Variants in MBTPS2 observed in about 807,000 individuals in gnomAD.
MBTPS2 encodes the protein membrane bound transcription factor peptidase, site 2, also known as membrane-bound transcription factor site-2 protease.
Under a neutral mutation model 35.4 loss-of-function variants are expected in MBTPS2, and 2 were observed. That is an observed-to-expected ratio of 0.06 (90% CI 0.02 to 0.18). The LOEUF is 0.18. MBTPS2 is among the 10% of genes least tolerant of loss of function. The probability of loss-of-function intolerance (pLI) is 1.00; values close to 1 mark genes in which losing one functional copy is unlikely to be tolerated. For missense variants in MBTPS2, 244 were observed against 386.5 expected, an observed-to-expected ratio of 0.63 and a Z score of 3.09; for synonymous variants, 125 against 140.4, an observed-to-expected ratio of 0.89 and a Z score of 0.77.
chrX:21,871,220 TAAAGTA>T (rs974477812), intron 7 of MBTPS2: 5 of 113,061 alleles, frequency 4.4e-5, no homozygotes, highest in African/African-American at 1.6e-4. Context: ...CTAATCTGTT[TAAAGTA>T]AATCAGTAAA....
At chrX:21,863,776 GC>G (rs1277445469) in intron 5 of MBTPS2, among the ~76,000 whole-genome samples, 5 of 111,546 alleles carry the variant, frequency 4.5e-5, no homozygotes, top group Non-Finnish European at 7.5e-5. Flanking sequence ...ACATCACCTA[GC>G]CCATTAACTT....
intron 5 of MBTPS2, among the ~76,000 whole-genome samples, chrX:21,864,489 C>T (rs2092937130): frequency 8.9e-6 from 1 of 111,765 alleles, no homozygotes; most frequent in Non-Finnish European, 1.9e-5. Flanking sequence ...CCGCCTCAGC[C>T]TCCCAATAAA....
intron 2 of MBTPS2, among the ~76,000 whole-genome samples, chrX:21,844,109 C>CAAATAAAT (rs57351369): frequency 9.2e-4 from 89 of 96,466 alleles, no homozygotes; most frequent in Middle Eastern, 5.1e-3. Context: ...GACCCTATCT[C>CAAATAAAT]AAATAAATAA....
At chrX:21,855,598 AT>A (rs1488269019) in intron 5 of MBTPS2, among the ~76,000 whole-genome samples, 2 of 109,950 alleles carry the variant, frequency 1.8e-5, no homozygotes, top group Non-Finnish European at 3.8e-5. Flanking sequence ...CGCCCAGCTA[AT>A]TTTTGTATTT....
rs775363369 is a variant in MBTPS2, at chrX:21,853,260, TTC to T, written c.543-114_543-113del. 1,371 of 527,242 alleles carry T rather than the reference TTC, an allele frequency of 2.6e-3. 21 individuals are homozygous for T. In the South Asian group the frequency reaches 0.044, roughly 17 times the overall value. The allele number at this position is 527,242 out of a possible 1,213,427, so 43.5% of individuals were successfully genotyped here. On this transcript the variant is annotated intron_variant, in intron 4 of 10. Coordinates refer to ENST00000379484, the MANE Select transcript of MBTPS2 (RefSeq NM_015884.4). Reference sequence around the variant, plus strand: ...ATTTTTTTGGCTGTTCAGAGAGACTTTCTGTTTTTTAAGCAAGAATTCAAATT... The same window carrying T: ...ATTTTTTTGGCTGTTCAGAGAGACTTTGTTTTTTAAGCAAGAATTCAAATT...
chrX:21,841,774 C>T (rs2092902922), intron 1 of MBTPS2: 1 of 112,321 alleles, frequency 8.9e-6, no homozygotes, highest in Non-Finnish European at 1.9e-5. Flanking sequence ...TAAGAATGCA[C>T]CAACCTCTGA....
intron 5 of MBTPS2, among the ~76,000 whole-genome samples, chrX:21,859,920 C>T (rs1252776136): frequency 4.5e-5 from 5 of 110,076 alleles, no homozygotes; most frequent in African/African-American, 6.6e-5. Context: ...TGGCATAACT[C>T]GGTCTCTACC....
chrX:21,862,892 A>G (rs1295416015), intron 5 of MBTPS2, among the ~76,000 whole-genome samples: 2 of 76,958 alleles, frequency 2.6e-5, no homozygotes, highest in Non-Finnish European at 4.9e-5. Context: ...ATATACACAT[A>G]TATATAAACA....
chrX:21,863,862 G>C (rs2092936355), intron 5 of MBTPS2, among the ~76,000 whole-genome samples: 1 of 111,801 alleles, frequency 8.9e-6, no homozygotes, highest in Non-Finnish European at 1.9e-5. Context: ...CCAGGCAAGG[G>C]GGCAAGGTTA....
At position 21,839,701 on chromosome X, in the gene MBTPS2, G is replaced by C. The variant is rs1435092706; in HGVS notation, c.-34G>C. 8.6e-7 allele frequency: 1 copy of C among 1,161,980 alleles called. No individual in the cohort carries two copies. On this transcript the variant is annotated 5_prime_UTR_variant, in exon 1 of 11. Coordinates refer to ENST00000379484, the MANE Select transcript of MBTPS2 (RefSeq NM_015884.4). ...GGCGGTGCAGGGAGGAGGACGCCGG[G>C]GCTCGCCTTCCCTCCTCTGCCGCCG... is the stretch of plus-strand genomic sequence containing the variant.
At chrX:21,857,832 TA>T in intron 5 of MBTPS2, 1 of 336,857 alleles carries the variant, frequency 3.0e-6, no homozygotes, top group Non-Finnish European at 5.1e-6. Context: ...GCTTGTTCTG[TA>T]ACTATTTTTG....
intron 5 of MBTPS2, chrX:21,856,782 G>A (rs939212904): frequency 9.9e-6 from 12 of 1,210,013 alleles, no homozygotes; most frequent in African/African-American, 1.7e-5. Context: ...GCTAGGCAAC[G>A]ACTTGGAGGA....
chrX:21,864,875 TC>T (rs1455373331), intron 5 of MBTPS2, among the ~76,000 whole-genome samples: 1 of 98,988 alleles, frequency 1.0e-5, no homozygotes, highest in Non-Finnish European at 2.1e-5. Context: ...TTTCTTTCTT[TC>T]TTTCTTTTTT....
At chrX:21,873,221 G>T (rs1344060605) in intron 7 of MBTPS2, 1 of 111,828 alleles carries the variant, frequency 8.9e-6, no homozygotes, top group African/African-American at 3.2e-5. Context: ...ACTCCAAGAA[G>T]AACACTGAGT....
At chrX:21,844,575 TAGTA>T (rs2092906506) in intron 2 of MBTPS2, among the ~76,000 whole-genome samples, 3 of 112,412 alleles carry the variant, frequency 2.7e-5, no homozygotes, top group Non-Finnish European at 5.6e-5. Flanking sequence ...ATTAAAAACA[TAGTA>T]AGACTATTAA....
At chrX:21,850,404 G>GT (rs1291813441) in intron 3 of MBTPS2, among the ~76,000 whole-genome samples, 6 of 111,361 alleles carry the variant, frequency 5.4e-5, no homozygotes, top group African/African-American at 2.0e-4. Context: ...TTTTATATGT[G>GT]TATGTATGTT....
At chrX:21,840,315 C>T (rs1240506577) in intron 1 of MBTPS2, among the ~76,000 whole-genome samples, 2 of 112,400 alleles carry the variant, frequency 1.8e-5, no homozygotes, top group African/African-American at 3.2e-5. Context: ...AGCAGGTCTG[C>T]GGCAAGGCCT....
At chrX:21,868,662 A>G in intron 6 of MBTPS2, 77 bp downstream of exon 6, 1 of 695,102 alleles carries the variant, frequency 1.4e-6, no homozygotes, top group Non-Finnish European at 2.4e-6. Context: ...AGAAACTTTT[A>G]TTCAAGATCT....
chrX:21,846,740 CCT>C (rs2092909144), intron 3 of MBTPS2, among the ~76,000 whole-genome samples: 1 of 111,713 alleles, frequency 9.0e-6, no homozygotes, highest in Non-Finnish European at 1.9e-5. Context: ...CAGTTTTAAA[CCT>C]CTAGGTATAT....
Sources: gnomAD v4.1 joint callset for allele counts (sites outside exome capture counted in the v4.1 genomes callset) on GRCh38, gnomAD v4.1.1 for gene constraint, MANE v1.5 for transcripts, NCBI Gene and HGNC (gene_info 2026-07-23, HGNC 2026-07-21) for gene names.